Variants in ABTB3 observed in about 807,000 individuals in gnomAD.
ABTB3 encodes the protein ankyrin repeat and BTB domain containing 3, also known as ankyrin repeat- and BTB/POZ domain-containing protein 3.
At chr12:107,322,994 C>T in the ABTB3 span, among the ~76,000 whole-genome samples, 1 of 152,216 alleles carries the variant, frequency 6.6e-6, no homozygotes, top group Non-Finnish European at 1.5e-5. Flanking sequence ...CTATCCCCTG[C>T]TAAGCCTAAG....
the ABTB3 span, among the ~76,000 whole-genome samples, chr12:107,550,019 G>A: frequency 1.3e-5 from 2 of 152,176 alleles, no homozygotes; most frequent in South Asian, 2.1e-4. Flanking sequence ...ATGACTGGGC[G>A]AACTGCTACA....
the ABTB3 span, chr12:107,618,135 C>T: frequency 1.9e-6 from 3 of 1,607,722 alleles, no homozygotes; most frequent in African/African-American, 1.3e-5. Flanking sequence ...GAGTGTCATC[C>T]TCTCTGGGTT....
the ABTB3 span, among the ~76,000 whole-genome samples, chr12:107,498,233 G>A: frequency 2.9e-3 from 448 of 152,298 alleles, 1 homozygote; most frequent in African/African-American, 9.0e-3. Flanking sequence ...TTACCCAGAG[G>A]GGAGAAAAGG....
chr12:107,645,953 C>A, the ABTB3 span, among the ~76,000 whole-genome samples: 1 of 152,232 alleles, frequency 6.6e-6, no homozygotes, highest in African/African-American at 2.4e-5. Flanking sequence ...TGAAATAGGC[C>A]AAGGAGGGCT....
At chr12:107,494,928 G>C in the ABTB3 span, among the ~76,000 whole-genome samples, 1 of 152,192 alleles carries the variant, frequency 6.6e-6, no homozygotes, top group Non-Finnish European at 1.5e-5. Flanking sequence ...TGCAAAACAG[G>C]CCTTTTAAAC....
the ABTB3 span, among the ~76,000 whole-genome samples, chr12:107,552,441 A>G: frequency 6.6e-6 from 1 of 152,250 alleles, no homozygotes; most frequent in Admixed American, 6.5e-5. Flanking sequence ...CTATGACTAT[A>G]TAAGGCATTT....
the ABTB3 span, chr12:107,319,530 A>G: frequency 6.4e-7 from 1 of 1,559,712 alleles, no homozygotes; most frequent in Middle Eastern, 1.7e-4. Flanking sequence ...GCCGGCGGCG[A>G]CCGCCTGGGC....
the ABTB3 span, among the ~76,000 whole-genome samples, chr12:107,478,925 C>A: frequency 2.6e-5 from 4 of 152,104 alleles, no homozygotes; most frequent in East Asian, 1.9e-4. Context: ...TCTGCCCGAA[C>A]CTTCAGAACT....
the ABTB3 span, among the ~76,000 whole-genome samples, chr12:107,395,791 C>T: frequency 1.3e-5 from 2 of 152,222 alleles, no homozygotes; most frequent in South Asian, 4.1e-4. Context: ...CGCTCTGTCC[C>T]TAAAGTTCCC....
chr12:107,467,415 C>T, the ABTB3 span, among the ~76,000 whole-genome samples: 10 of 152,126 alleles, frequency 6.6e-5, no homozygotes, highest in Non-Finnish European at 1.5e-5. Context: ...TGTGGCCTGG[C>T]GTGGTATAGA....
chr12:107,464,206 AGTGTGTGTGTGT>A, the ABTB3 span, among the ~76,000 whole-genome samples: 25,948 of 133,362 alleles, frequency 0.19, 2,390 homozygotes, highest in Admixed American at 0.24. Flanking sequence ...ACATGTGAAG[AGTGTGTGTGTGT>A]GTGTGTGTGT....
the ABTB3 span, among the ~76,000 whole-genome samples, chr12:107,499,754 T>A: frequency 1.3e-5 from 2 of 151,808 alleles, no homozygotes; most frequent in Admixed American, 1.3e-4. Flanking sequence ...GGCATGATCT[T>A]GGCTCACTAC....
At chr12:107,460,467 C>A in the ABTB3 span, among the ~76,000 whole-genome samples, 3 of 152,174 alleles carry the variant, frequency 2.0e-5, no homozygotes, top group Admixed American at 2.0e-4. Context: ...CCACCCTGGG[C>A]AACATGACGA....
chr12:107,484,932 AGGTCAGTGTG>A, the ABTB3 span, among the ~76,000 whole-genome samples: 1 of 152,166 alleles, frequency 6.6e-6, no homozygotes, highest in African/African-American at 2.4e-5. Flanking sequence ...AGAGATCAGC[AGGTCAGTGTG>A]GGATGTGCTA....
At chr12:107,516,023 GTGTGTGTGTGCA>G in the ABTB3 span, among the ~76,000 whole-genome samples, 295 of 137,856 alleles carry the variant, frequency 2.1e-3, 2 homozygotes, top group African/African-American at 8.2e-3. Context: ...ATTATGAAGA[GTGTGTGTGTGCA>G]TGTGTGTGTG....
the ABTB3 span, among the ~76,000 whole-genome samples, chr12:107,548,631 A>T: frequency 6.6e-6 from 1 of 152,232 alleles, no homozygotes; most frequent in Non-Finnish European, 1.5e-5. Context: ...AAAATCATTC[A>T]GTTACCTCAG....
At chr12:107,398,940 TG>T in the ABTB3 span, among the ~76,000 whole-genome samples, 1 of 152,198 alleles carries the variant, frequency 6.6e-6, no homozygotes, top group East Asian at 1.9e-4. Context: ...CAAGCTATAC[TG>T]GCATCCTATC....
At chr12:107,518,204 G>A in the ABTB3 span, among the ~76,000 whole-genome samples, 4 of 152,246 alleles carry the variant, frequency 2.6e-5, no homozygotes, top group South Asian at 4.1e-4. Context: ...ACAGTGTGGC[G>A]ATTCCTCAGG....
the ABTB3 span, among the ~76,000 whole-genome samples, chr12:107,582,592 C>T: frequency 7.9e-5 from 12 of 152,176 alleles, no homozygotes; most frequent in African/African-American, 2.4e-4. Flanking sequence ...TACCATGTGA[C>T]GGTTATCAAT....
Sources: gnomAD v4.1 joint callset for allele counts (sites outside exome capture counted in the v4.1 genomes callset) on GRCh38, gnomAD v4.1.1 for gene constraint, MANE v1.5 for transcripts, NCBI Gene and HGNC (gene_info 2026-07-23, HGNC 2026-07-21) for gene names.